Variants in CHLSN observed in about 807,000 individuals in gnomAD.
CHLSN encodes the protein protein cholesin.
the CHLSN span, among the ~76,000 whole-genome samples, chr7:1,001,845 C>T: frequency 1.3e-5 from 1 of 79,888 alleles, no homozygotes; most frequent in African/African-American, 5.4e-5. Flanking sequence ...GTGGGGAGTC[C>T]TGTGGGTGAG....
At chr7:1,132,694 TAAAAAAAAAAA>T in the CHLSN span, among the ~76,000 whole-genome samples, 4 of 107,010 alleles carry the variant, frequency 3.7e-5, no homozygotes, top group Admixed American at 1.0e-4. Flanking sequence ...AACCTGTCTT[TAAAAAAAAAAA>T]AAAAAAAAAA....
At chr7:1,076,783 G>T in the CHLSN span, among the ~76,000 whole-genome samples, 1 of 152,260 alleles carries the variant, frequency 6.6e-6, no homozygotes, top group South Asian at 2.1e-4. Flanking sequence ...GGGAAAGCCG[G>T]GGGAGGAGAG....
the CHLSN span, among the ~76,000 whole-genome samples, chr7:1,122,989 C>T: frequency 3.3e-5 from 5 of 152,168 alleles, no homozygotes; most frequent in East Asian, 1.9e-4. Context: ...TTCCTCCTGC[C>T]GGGCCACCAC....
chr7:978,681 AG>A, the CHLSN span, among the ~76,000 whole-genome samples: 1 of 152,238 alleles, frequency 6.6e-6, no homozygotes, highest in Non-Finnish European at 1.5e-5. Flanking sequence ...CCAGCTAAGT[AG>A]GTCTTATTAT....
the CHLSN span, chr7:1,000,373 C>G: frequency 9.2e-7 from 1 of 1,086,238 alleles, no homozygotes; most frequent in East Asian, 2.9e-5. Context: ...GTGCCTGCCC[C>G]GCCGTGCACA....
At chr7:1,094,936 ATG>A in the CHLSN span, among the ~76,000 whole-genome samples, 1 of 152,048 alleles carries the variant, frequency 6.6e-6, no homozygotes, top group African/African-American at 2.4e-5. Flanking sequence ...TTCCTCATAA[ATG>A]GCTCACCGGG....
the CHLSN span, among the ~76,000 whole-genome samples, chr7:985,766 A>G: frequency 6.6e-6 from 1 of 152,196 alleles, no homozygotes; most frequent in Non-Finnish European, 1.5e-5. Context: ...AAATGTAAAG[A>G]TCCCCTCTTT....
the CHLSN span, among the ~76,000 whole-genome samples, chr7:1,099,113 G>A: frequency 3.6e-5 from 5 of 138,144 alleles, no homozygotes; most frequent in Admixed American, 2.2e-4. Flanking sequence ...CCGGAGCCTC[G>A]CTGTCGCGTT....
At chr7:987,318 C>A in the CHLSN span, 2 of 1,544,732 alleles carry the variant, frequency 1.3e-6, no homozygotes, top group South Asian at 1.2e-5. Context: ...GATGGCGCTG[C>A]CACCCAAGCG....
At chr7:1,038,355 T>C in the CHLSN span, among the ~76,000 whole-genome samples, 43 of 65,566 alleles carry the variant, frequency 6.6e-4, no homozygotes, top group South Asian at 1.9e-3. Context: ...AGGTGAGGGG[T>C]GCCTCTGCCC....
the CHLSN span, among the ~76,000 whole-genome samples, chr7:1,009,254 G>A: frequency 6.6e-6 from 1 of 152,268 alleles, no homozygotes; most frequent in African/African-American, 2.4e-5. Flanking sequence ...TCATCACAGG[G>A]ACCCAGTTCT....
At chr7:1,092,126 T>A in the CHLSN span, 21 of 1,613,670 alleles carry the variant, frequency 1.3e-5, no homozygotes, top group South Asian at 5.5e-5. Context: ...TGCACCTTCA[T>A]GTCGCTCTTC....
the CHLSN span, among the ~76,000 whole-genome samples, chr7:1,003,713 C>T: frequency 9.7e-4 from 26 of 26,856 alleles, no homozygotes; most frequent in South Asian, 5.9e-3. Context: ...TGGAGTCCTG[C>T]GGGTGGGGAG....
the CHLSN span, among the ~76,000 whole-genome samples, chr7:1,131,769 T>C: frequency 6.6e-6 from 1 of 152,226 alleles, no homozygotes; most frequent in Non-Finnish European, 1.5e-5. Flanking sequence ...CTGTAAGTTA[T>C]CATTTAAAAA....
chr7:1,055,899 AGT>A, the CHLSN span, among the ~76,000 whole-genome samples: 1 of 152,164 alleles, frequency 6.6e-6, no homozygotes, highest in African/African-American at 2.4e-5. Flanking sequence ...TGGGGACTCA[AGT>A]GGAGTCTGGG....
At chr7:1,059,945 TAATGAGGCGGGTCTTAGGCGGGCCCG>T in the CHLSN span, among the ~76,000 whole-genome samples, 15 of 45,806 alleles carry the variant, frequency 3.3e-4, no homozygotes, top group South Asian at 8.6e-4. Flanking sequence ...GGCGGGTCCG[TAATGAGGCGGGTCTTAGGCGGGCCCG>T]TAGTGGGGCG....
At chr7:1,068,636 A>G in the CHLSN span, among the ~76,000 whole-genome samples, 6,322 of 151,864 alleles carry the variant, frequency 0.042, 434 homozygotes, top group African/African-American at 0.14. Context: ...CGGCCTCCCC[A>G]TCCCCAGTCT....
chr7:1,023,353 A>G, the CHLSN span, among the ~76,000 whole-genome samples: 2 of 152,204 alleles, frequency 1.3e-5, no homozygotes, highest in African/African-American at 4.8e-5. The surrounding 1 kb of genome is among the most constrained non-coding windows in gnomAD (Gnocchi z 5.0). Flanking sequence ...GTTAGGGAAG[A>G]CGCACAGGGG....
the CHLSN span, among the ~76,000 whole-genome samples, chr7:990,332 C>T: frequency 1.2e-5 from 1 of 80,464 alleles, no homozygotes; most frequent in Admixed American, 1.5e-4. Flanking sequence ...GTGACAGTGG[C>T]GCGTGTGCTG....
Sources: gnomAD v4.1 joint callset for allele counts (sites outside exome capture counted in the v4.1 genomes callset) on GRCh38, gnomAD v4.1.1 for gene constraint, Gnocchi (gnomAD v3.1) non-coding constraint, MANE v1.5 for transcripts, NCBI Gene and HGNC (gene_info 2026-07-23, HGNC 2026-07-21) for gene names.